PLXND1: variants seen among roughly 807,000 people sequenced by gnomAD.
PLXND1 encodes plexin-D1.
Under a neutral mutation model 197.7 loss-of-function variants are expected in PLXND1, and 54 were observed. The observed-to-expected ratio is 0.27, with a 90% CI of 0.22 to 0.34. The LOEUF (loss-of-function observed/expected upper bound fraction) is 0.34. Among genes scored for constraint, PLXND1 ranks in the 10% least tolerant of loss-of-function variants. PLXND1 has a pLI of 1.00. For missense variants in PLXND1, 2,127 were observed against 2,699.2 expected (o/e 0.79, Z 4.70); for synonymous variants, 1,180 against 1,161.2 (o/e 1.02, Z -0.33).
Position 129,577,851 on chromosome 3 carries a change from G to A in PLXND1, c.2346+478C>T, listed in dbSNP as rs185856230. Among the ~76,000 whole-genome samples the A allele has an allele frequency of 3.0e-4, 45 of 152,332 alleles. 1 individual carries two copies. The highest frequency in any genetic ancestry group is 2.8e-4 in the Non-Finnish European group (19 of 68,016). On this transcript the variant is annotated intron_variant, in intron 9 of 35. Coordinates refer to ENST00000324093, the MANE Select transcript of PLXND1 (RefSeq NM_015103.3). This position sits in a 1 kb window ranked among gnomAD's most constrained non-coding sequence, Gnocchi z 5.0. Reference sequence around the variant, plus strand: ...GGCGTCATCTACTTTTCCTTCCTGGGCCTCATCTTCCCCATCTGGACAATG... The same window carrying A: ...GGCGTCATCTACTTTTCCTTCCTGGACCTCATCTTCCCCATCTGGACAATG...
chr3:129,579,045 G>A (rs1439028096), intron 8 of PLXND1, among the ~76,000 whole-genome samples: 2 of 152,190 alleles, frequency 1.3e-5, no homozygotes, highest in Non-Finnish European at 2.9e-5. Context: ...GCCAGCCCCA[G>A]ATACTCCCAG....
rs796538919 is a variant in PLXND1 at position 129,574,271 on chromosome 3, C to T, written c.2685+65G>A. On this transcript the variant is annotated intron_variant, in intron 12 of 35. Transcript: ENST00000324093. ...TTGGGTCCCCAAGAAGTGGGACCCT[C>T]GAGGGCACTGCGCATGCGCCGTGCC... 6.1e-5 allele frequency: 89 copies of T among 1,458,066 alleles called. 1 individual carries two copies. Among genetic ancestry groups the T allele is most frequent in the African/African-American group, 6.1e-4 (43 of 70,512 alleles). The allele number at this position is 1,458,066 out of a possible 1,614,324, so 90.3% of individuals were successfully genotyped here. A position where few individuals can be genotyped will look rare whatever the true frequency, so the allele number is the denominator to read the frequency against.
At position 129,573,633 on chromosome 3, in the gene PLXND1, G is replaced by T. The variant is rs1012086244; in HGVS notation, c.2798C>A (p.Ala933Asp). Residue 933 changes from alanine to aspartate, a missense_variant, in exon 13 of 36, where the codon GCC becomes GAC. This residue lies in a region of PLXND1 where 1,095 missense variants were observed against 1,259.8 expected (regional missense o/e 0.87). Coordinates refer to ENST00000324093, the MANE Select transcript of PLXND1 (RefSeq NM_015103.3). The stretch of plus-strand genomic sequence containing the variant: ...GTATCTGTCAGGCAGTGGCTCACAG[G>T]CCACACCACCAATCCACACGCCGTG... ...VAHGVWIGGV[A>D]CEPLPDRYTV... is the part of the protein sequence containing the mutation. 11 of 1,613,402 alleles carry T rather than the reference G, an allele frequency of 6.8e-6. No homozygotes were observed. The Admixed American group carries it at 1.5e-4, about 22-fold the overall frequency.
chr3:129,571,693 G>A lies in PLXND1; in HGVS notation c.3229C>T (p.Arg1077Cys), dbSNP rs370292037. The A allele has an allele frequency of 7.2e-5, 116 of 1,613,804 alleles. No individual in the cohort carries two copies. Among genetic ancestry groups the A allele is most frequent in the Non-Finnish European group, 8.6e-5 (101 of 1,179,994 alleles). ...QNPVITAISP[R>C]RSPVSGGRTI... ...CAGTCTCACCTGACAGGGCTGCGGCGGGGACTGATGGCCGTGATGACCGGG... is the reference window on the plus strand; with the variant it reads ...CAGTCTCACCTGACAGGGCTGCGGCAGGGACTGATGGCCGTGATGACCGGG... Residue 1077 changes from arginine (R) to cysteine (C), a missense_variant, in exon 16 of 36, where the codon CGC (arginine) becomes TGC (cysteine). Transcript: ENST00000324093.
intron 6 of PLXND1, 70 bp from the exon 7 acceptor site, chr3:129,584,303 C>G (rs1341460101): frequency 1.3e-6 from 2 of 1,595,452 alleles, no homozygotes; most frequent in East Asian, 4.5e-5. Context: ...GAAGCTGTGA[C>G]CTCTGGCCCC....
At chr3:129,566,731 G>C in intron 22 of PLXND1, 100 bp from the exon 23 acceptor site, 1 of 689,636 alleles carries the variant, frequency 1.5e-6, no homozygotes, top group Non-Finnish European at 2.5e-6. Context: ...GGGCTGCTGG[G>C]GGAAACTGGC....
chr3:129,586,124 C>T (rs896443092), intron 4 of PLXND1, 43 bp from the exon 5 acceptor site: 3 of 1,612,408 alleles, frequency 1.9e-6, no homozygotes, highest in East Asian at 2.2e-5. Context: ...CAGCTCCTCC[C>T]ACCCCCACAG....
Position 129,556,141 on chromosome 3 carries a change from C to T in PLXND1, c.*171G>A, listed in dbSNP as rs1014170423. Reference sequence around the variant, plus strand: ...GGAGGGGATGGAGGTGCCCAGGGGTCAAGGCGGGGGCGCCCCTGTCTCAGA... The same window carrying T: ...GGAGGGGATGGAGGTGCCCAGGGGTTAAGGCGGGGGCGCCCCTGTCTCAGA... On this transcript the variant is annotated 3_prime_UTR_variant, in exon 36 of 36. Coordinates refer to ENST00000324093, the MANE Select transcript of PLXND1 (RefSeq NM_015103.3). 1.6e-6 allele frequency: 1 copy of T among 612,004 alleles called. No individual in the cohort carries two copies. The highest frequency in any genetic ancestry group is 1.8e-5 in the African/African-American group (1 of 54,592). 37.9% of individuals were successfully genotyped at this position (612,004 alleles called of 1,614,324 possible).
chr3:129,556,684 T>C lies in PLXND1; in HGVS notation c.5594A>G (p.Gln1865Arg). 6.2e-7 allele frequency: 1 copy of C among 1,611,624 alleles called. No individual in the cohort carries two copies. The highest frequency in any genetic ancestry group is 8.5e-7 in the Non-Finnish European group (1 of 1,178,186). The change falls in exon 35 of 36, where the codon CAG becomes CGG. Residue 1865 changes from glutamine to arginine, a missense_variant. This residue lies in a region of PLXND1 where 200 missense variants were observed against 303.3 expected (regional missense o/e 0.66). Transcript: ENST00000324093. ...AHLAEESRKY[Q>R]NEFNTNVAMA... Reference sequence around the variant, plus strand: ...GGCCACATTGGTGTTGAACTCATTCTGGTATTTCTATAAGGAGGCAGGATG... The same window carrying C: ...GGCCACATTGGTGTTGAACTCATTCCGGTATTTCTATAAGGAGGCAGGATG...
intron 27 of PLXND1, among the ~76,000 whole-genome samples, 190 bp from the exon 28 acceptor site, chr3:129,562,093 T>TGAGGGTACAAAGAGAAGGTGCCAGGGTG (rs2085070411): frequency 6.6e-6 from 1 of 151,802 alleles, no homozygotes; most frequent in Non-Finnish European, 1.5e-5. Context: ...GGGGAGAGTG[T>TGAGGGTACAAAGAGAAGGTGCCAGGGTG]GAGGGTACAA....
intron 32 of PLXND1, 94 bp downstream of exon 32, chr3:129,559,526 C>T: frequency 6.0e-6 from 6 of 999,212 alleles, no homozygotes; most frequent in East Asian, 2.6e-5. Flanking sequence ...GGGCTTGACC[C>T]CAAGCAGGCG....
Position 129,563,124 on chromosome 3 carries a change from C to T in PLXND1, c.4638G>A (p.Leu1546=), listed in dbSNP as rs748816917. 4 of 1,613,608 alleles carry T rather than the reference C, an allele frequency of 2.5e-6. No individual in the cohort carries two copies. The highest frequency in any genetic ancestry group is 3.4e-6 in the Non-Finnish European group (4 of 1,179,812). ...GCTTGGCCTCGATGTTCTCCCGCAGCAGCCACTCCTCACTGAGTGTGTAGC... is the reference window on the plus strand; with the variant it reads ...GCTTGGCCTCGATGTTCTCCCGCAGTAGCCACTCCTCACTGAGTGTGTAGC... ...KARYTLSEEW[L]LRENIEAKPR... Residue 1546 remains leucine (L), a synonymous_variant, in exon 26 of 36, where the codon CTG becomes CTA. Transcript: ENST00000324093.
At chr3:129,560,918 G>A in intron 29 of PLXND1, 195 bp from the exon 30 acceptor site, 2 of 680,620 alleles carry the variant, frequency 2.9e-6, no homozygotes, top group Non-Finnish European at 5.4e-6. Flanking sequence ...GAATGAGACA[G>A]AGATGCAGAG....
intron 1 of PLXND1, among the ~76,000 whole-genome samples, chr3:129,599,124 G>A (rs1161963666): frequency 6.6e-6 from 1 of 152,164 alleles, no homozygotes; most frequent in Non-Finnish European, 1.5e-5. Flanking sequence ...CTGCCCTCCC[G>A]CTCCTGTCCC....
At chr3:129,589,313 C>CCCCCCCCCCCCCCCCCCCCAG in intron 2 of PLXND1, 38 bp downstream of exon 2, 1 of 592,308 alleles carries the variant, frequency 1.7e-6, no homozygotes, top group East Asian at 4.2e-5. Context: ...GGGAGCCTCC[C>CCCCCCCCCCCCCCCCCCCCAG]ACCCCCACCC....
rs150536065 is a variant in PLXND1, at chr3:129,573,620, C to G, written c.2811G>C (p.Leu937=). 26 of 1,613,370 alleles carry G rather than the reference C, an allele frequency of 1.6e-5. No individual in the cohort carries two copies. In the African/African-American group the frequency reaches 3.5e-4, roughly 22 times the overall value. ...CCTCCGACACCGTGTATCTGTCAGGCAGTGGCTCACAGGCCACACCACCAA... is the reference window on the plus strand; with the variant it reads ...CCTCCGACACCGTGTATCTGTCAGGGAGTGGCTCACAGGCCACACCACCAA... The part of the protein sequence containing the change: ...VWIGGVACEP[L]PDRYTVSEEI... The change falls in exon 13 of 36, where the codon CTG becomes CTC. Residue 937 remains leucine (L), a synonymous_variant. Coordinates refer to ENST00000324093, the MANE Select transcript of PLXND1 (RefSeq NM_015103.3).
At chr3:129,568,232 T>G (rs776245171) in intron 20 of PLXND1, among the ~76,000 whole-genome samples, 18 of 152,224 alleles carry the variant, frequency 1.2e-4, no homozygotes, top group Non-Finnish European at 2.4e-4. Context: ...CAGGTGTTAC[T>G]TGTAAATTAA....
Position 129,558,414 on chromosome 3 carries a change from TG to T in PLXND1, c.5445+13del, listed in dbSNP as rs1474590533. The T allele has an allele frequency of 6.2e-7, 1 of 1,612,050 alleles. No individual in the cohort carries two copies. The highest frequency in any genetic ancestry group is 8.5e-7 in the Non-Finnish European group (1 of 1,179,444). On this transcript the variant is annotated intron_variant, in intron 33 of 35. Coordinates refer to ENST00000324093, the MANE Select transcript of PLXND1 (RefSeq NM_015103.3). The surrounding 1 kb of genome is among the most constrained non-coding windows in gnomAD (Gnocchi z 4.1). ...CCTGTGCATGGGCCTGGCCTGGTCC[TG>T]GGAACAGCTGACCTTGCCCAGCTGC...
intron 1 of PLXND1, among the ~76,000 whole-genome samples, chr3:129,603,797 G>C (rs2085744868): frequency 6.6e-6 from 1 of 152,214 alleles, no homozygotes; most frequent in Non-Finnish European, 1.5e-5. Context: ...CCATGGAGAA[G>C]GGACAGGGTG....
Sources: gnomAD v4.1 joint callset for allele counts (sites outside exome capture counted in the v4.1 genomes callset) on GRCh38, gnomAD v4.1.1 for gene constraint, gnomAD v4.1.1 regional missense constraint, Gnocchi (gnomAD v3.1) non-coding constraint, MANE v1.5 for transcripts, NCBI Gene and HGNC (gene_info 2026-07-23, HGNC 2026-07-21) for gene names.